The following REXO4 variants were observed in gnomAD, a reference collection of about 807,000 sequenced individuals.
The protein encoded by REXO4 is RNA exonuclease 4, also known as REX4 homolog, 3'-5' exonuclease.
REXO4 carries 29 observed loss-of-function variants against 39.9 expected under a neutral mutation model. The observed-to-expected ratio is 0.73, with a 90% CI of 0.54 to 0.99. REXO4 has a LOEUF of 0.99. REXO4 is among the 50% of genes least tolerant of loss of function. The pLI, the probability that REXO4 is intolerant of heterozygous loss-of-function variation, is 0.00. For synonymous variants in REXO4, 184 were observed against 206.2 expected (o/e 0.89, Z 0.92); for missense variants, 524 against 546.5 (o/e 0.96, Z 0.41).
chr9:133,415,927 G>A (rs917816654), intron 1 of REXO4: 4 of 152,410 alleles, frequency 2.6e-5, no homozygotes, highest in African/African-American at 9.7e-5. Context: ...CGCTCGGGGA[G>A]GCTGAGGTGG....
rs1838865007 is a variant in REXO4 at position 133,406,157 on chromosome 9, T to C, written c.*796A>G. ...CAGGTGGCCCAATAACGCCTTGGAC[T>C]CCGTCCCCTTGTCAGTGCCACTGGC... On this transcript the variant is annotated 3_prime_UTR_variant, in exon 8 of 8. Coordinates refer to ENST00000371942, the MANE Select transcript of REXO4 (RefSeq NM_020385.4). The C allele has an allele frequency of 6.6e-6, 1 of 152,284 alleles. No individual in the cohort carries two copies. The highest frequency in any genetic ancestry group is 1.5e-5 in the Non-Finnish European group (1 of 68,082). 9.4% of individuals were successfully genotyped at this position (152,284 alleles called of 1,614,324 possible).
At chr9:133,411,107 A>C in intron 4 of REXO4, 34 bp from the exon 5 acceptor site, 1 of 1,541,468 alleles carries the variant, frequency 6.5e-7, no homozygotes, top group Non-Finnish European at 9.0e-7. Flanking sequence ...GGTTTTTTGC[A>C]ACACACACAT....
intron 1 of REXO4, chr9:133,415,880 C>T (rs1839565150): frequency 6.6e-6 from 1 of 152,274 alleles, no homozygotes; most frequent in Middle Eastern, 3.4e-3. Context: ...AATGTCTGCA[C>T]TGAGATACTG....
In REXO4 at chr9:133,408,934, T is replaced by TTGTGTGTGTGTGTGTGTGTG. The variant is rs71503345; in HGVS notation, c.1000-112_1000-93dup. The TTGTGTGTGTGTGTGTGTGTG allele has an allele frequency of 2.5e-5, 8 of 322,008 alleles. No individual in the cohort carries two copies. In the African/African-American group the frequency reaches 2.7e-4, roughly 11 times the overall value. 19.9% of individuals were successfully genotyped at this position (322,008 alleles called of 1,614,324 possible). Reference sequence around the variant, plus strand: ...CCGCCACCTTTTGCAAGTAACATCTTTGTGTGTGTGTGTGTGTGTGTGTGT... The same window carrying TTGTGTGTGTGTGTGTGTGTG: ...CCGCCACCTTTTGCAAGTAACATCTTTGTGTGTGTGTGTGTGTGTGTGTGTGTGTGTGTGTGTGTGTGTGT... On this transcript the variant is annotated intron_variant, in intron 5 of 7. Coordinates refer to ENST00000371942, the MANE Select transcript of REXO4 (RefSeq NM_020385.4).
Position 133,417,808 on chromosome 9 carries a change from G to A in REXO4, c.37C>T (p.Pro13Ser), listed in dbSNP as rs782570302. ...CCCGGCTTAGCCACGGGGCTGCTCG[G>A]GGCGCGCTTGGAGGCGGGGACCTTC... ...KAKVPASKRA[P>S]SSPVAKPGPV... The change falls in exon 1 of 8, where the codon CCG (proline) becomes TCG (serine). Residue 13 changes from proline (P) to serine (S), a missense_variant. Physicochemically the swap from Pro to Ser is moderately conservative, Grantham distance 74. Transcript: ENST00000371942. 2 of 1,606,068 alleles carry A rather than the reference G, an allele frequency of 1.2e-6. No homozygotes were observed. The highest frequency in any genetic ancestry group is 2.2e-5 in the South Asian group (2 of 91,066).
intron 1 of REXO4, 99 bp downstream of exon 1, chr9:133,417,521 G>A: frequency 8.0e-7 from 1 of 1,244,180 alleles, no homozygotes; most frequent in Non-Finnish European, 1.1e-6. Context: ...ATTCAAATCT[G>A]CCTTTACAGG....
Position 133,407,042 on chromosome 9 carries a change from A to AC in REXO4, c.1179dup (p.Tyr394ValfsTer27), listed in dbSNP as rs1838917709. On this transcript the variant is annotated frameshift_variant, in exon 8 of 8. Coordinates refer to ENST00000371942, the MANE Select transcript of REXO4 (RefSeq NM_020385.4). LOFTEE classifies it low-confidence loss of function (END_TRUNC). ...TCCCACTCCTTCTTCACCATGACGT[A>AC]CAGCCTCATTGCTGCCTGGGCATCC... The AC allele has an allele frequency of 6.2e-7, 1 of 1,613,316 alleles. No homozygotes were observed. The highest frequency in any genetic ancestry group is 1.7e-5 in the Admixed American group (1 of 60,002).
chr9:133,408,767 C>T lies in REXO4; in HGVS notation c.1074+1G>A. 6.3e-7 allele frequency: 1 copy of T among 1,588,612 alleles called. No individual in the cohort carries two copies. The highest frequency in any genetic ancestry group is 8.6e-7 in the Non-Finnish European group (1 of 1,159,010). ...TCTTGAGTCACACTCATTCTAAGTA[C>T]CTTTACTTGACTCTTGAAAGGTTTA... On this transcript the variant is annotated splice_donor_variant, in intron 6 of 7. Coordinates refer to ENST00000371942, the MANE Select transcript of REXO4 (RefSeq NM_020385.4). LOFTEE classifies it high-confidence loss of function.
In REXO4 at chr9:133,413,054, C is replaced by G. The variant is rs587605167; in HGVS notation, c.573-133G>C. ...CTCTCCCACAGGCTGGCCCCAGACA[C>G]CCCGACTGCTGGCCCTGCTGCTTCT... On this transcript the variant is annotated intron_variant, in intron 2 of 7. Transcript: ENST00000371942. 74 of 926,542 alleles carry G rather than the reference C, an allele frequency of 8.0e-5. No individual in the cohort carries two copies. The African/African-American group carries it at 1.2e-3, about 15-fold the overall frequency. The allele number at this position is 926,542 out of a possible 1,614,324, so 57.4% of individuals were successfully genotyped here.
In REXO4 at chr9:133,406,966, C is replaced by T. The variant is rs1838909802; in HGVS notation, c.1256G>A (p.Ser419Asn). Reference sequence around the variant, plus strand: ...AGGGCAGGACTGCTAGGCGTCGTCACTGCAGTGGTCTGGAGCAGTCAGCAG... The same window carrying T: ...AGGGCAGGACTGCTAGGCGTCGTCATTGCAGTGGTCTGGAGCAGTCAGCAG... ...RPLLTAPDHC[S>N]DDA is the part of the protein sequence containing the mutation. The change falls in exon 8 of 8, where the codon AGT (serine) becomes AAT (asparagine). Residue 419 changes from serine to asparagine, a missense_variant. Coordinates refer to ENST00000371942, the MANE Select transcript of REXO4 (RefSeq NM_020385.4). The T allele has an allele frequency of 1.2e-6, 2 of 1,611,622 alleles. No individual in the cohort carries two copies. Among genetic ancestry groups the T allele is most frequent in the Non-Finnish European group, 1.7e-6 (2 of 1,180,000 alleles).
In REXO4 at chr9:133,408,934, TTGTGTGTGTGTGTG is replaced by T. The variant is rs71503345; in HGVS notation, c.1000-106_1000-93del. On this transcript the variant is annotated intron_variant, in intron 5 of 7. Coordinates refer to ENST00000371942, the MANE Select transcript of REXO4 (RefSeq NM_020385.4). Reference sequence around the variant, plus strand: ...CCGCCACCTTTTGCAAGTAACATCTTTGTGTGTGTGTGTGTGTGTGTGTGTGTGTGTGTGTGTGT... The same window carrying T: ...CCGCCACCTTTTGCAAGTAACATCTTTGTGTGTGTGTGTGTGTGTGTGTGT... 6.5e-4 allele frequency: 210 copies of T among 321,940 alleles called. 1 individual carries two copies. The highest frequency in any genetic ancestry group is 1.5e-3 in the Middle Eastern group (2 of 1,340). 19.9% of individuals were successfully genotyped at this position (321,940 alleles called of 1,614,324 possible).
intron 5 of REXO4, 132 bp downstream of exon 5, chr9:133,410,853 A>G (rs781729471): frequency 4.4e-6 from 3 of 687,796 alleles, no homozygotes. Context: ...GCGGTATCTG[A>G]TATTATTACC....
At chr9:133,408,069 T>C (rs1564390779) in intron 6 of REXO4, among the ~76,000 whole-genome samples, 188 bp from the exon 7 acceptor site, 1 of 152,028 alleles carries the variant, frequency 6.6e-6, no homozygotes, top group African/African-American at 2.4e-5. Flanking sequence ...GATGGGCTGG[T>C]GATACACCCC....
intron 2 of REXO4, 67 bp downstream of exon 2, chr9:133,414,598 A>G: frequency 7.0e-7 from 1 of 1,419,674 alleles, no homozygotes. Context: ...ACCAGCCTCC[A>G]TAAGGAGACA....
At chr9:133,414,313 C>T in intron 2 of REXO4, 1 of 480,346 alleles carries the variant, frequency 2.1e-6, no homozygotes, top group South Asian at 1.7e-5. Flanking sequence ...GCCACCATGA[C>T]TACCACAAGG....
chr9:133,413,434 T>C (rs1436092584), intron 2 of REXO4, among the ~76,000 whole-genome samples: 2 of 152,136 alleles, frequency 1.3e-5, no homozygotes, highest in African/African-American at 4.8e-5. Flanking sequence ...GAAAATACAC[T>C]CATTATTCAA....
chr9:133,415,067 G>T, intron 1 of REXO4, 56 bp from the exon 2 acceptor site: 1 of 1,474,358 alleles, frequency 6.8e-7, no homozygotes. Context: ...ACACACAGCA[G>T]ATTGAAAAAA....
Position 133,406,895 on chromosome 9 carries a change from C to A in REXO4, c.*58G>T. On this transcript the variant is annotated 3_prime_UTR_variant, in exon 8 of 8. Transcript: ENST00000371942. ...CCACTCTGGGGAGATGTGATCTGTC[C>A]CTGTGACTGGTCACATTGCCTCTGT... The A allele has an allele frequency of 7.5e-6, 12 of 1,601,654 alleles. No individual in the cohort carries two copies. The highest frequency in any genetic ancestry group is 1.0e-5 in the Non-Finnish European group (12 of 1,179,154).
Position 133,417,847 on chromosome 9 carries a change from T to C in REXO4, c.-3A>G. The C allele has an allele frequency of 6.3e-7, 1 of 1,598,204 alleles. No individual in the cohort carries two copies. Among genetic ancestry groups the C allele is most frequent in the Non-Finnish European group, 8.5e-7 (1 of 1,179,078 alleles). ...GCGGGGACCTTCGCCTTCCCCATCC[T>C]GCTGCCGTCCAGCGCCTGGGCCGGC... is the stretch of plus-strand genomic sequence containing the variant. On this transcript the variant is annotated 5_prime_UTR_variant, in exon 1 of 8. Coordinates refer to ENST00000371942, the MANE Select transcript of REXO4 (RefSeq NM_020385.4).
Sources: allele counts gnomAD v4.1 joint callset (sites outside exome capture counted in the v4.1 genomes callset), GRCh38; gene constraint gnomAD v4.1.1; transcripts MANE v1.5; gene names NCBI Gene and HGNC (gene_info 2026-07-23, HGNC 2026-07-21).